SULT1C2: variants seen among roughly 807,000 people sequenced by gnomAD.
SULT1C2 encodes the protein sulfotransferase family 1C member 2, also known as sulfotransferase 1C2.
Under a neutral mutation model 36.0 loss-of-function variants are expected in SULT1C2, and 27 were observed. The observed-to-expected ratio is 0.75, with a 90% CI of 0.55 to 1.03. SULT1C2 has a LOEUF of 1.03. Among genes scored for constraint, SULT1C2 ranks in the 50% least tolerant of loss-of-function variants. SULT1C2 has a pLI of 0.00. For synonymous variants in SULT1C2, 121 were observed against 116.0 expected (o/e 1.04, Z -0.27); for missense variants, 395 against 359.2 (o/e 1.10, Z -0.80).
At chr2:108,295,002 T>A (rs1490246050) in intron 3 of SULT1C2, among the ~76,000 whole-genome samples, 1 of 152,220 alleles carries the variant, frequency 6.6e-6, no homozygotes, top group African/African-American at 2.4e-5. Flanking sequence ...AGTTATAGCA[T>A]TGCAGAGATC....
At chr2:108,307,244 G>A (rs1677047573) in intron 7 of SULT1C2, among the ~76,000 whole-genome samples, 1 of 152,076 alleles carries the variant, frequency 6.6e-6, no homozygotes, top group Non-Finnish European at 1.5e-5. Flanking sequence ...CCTTCTTCAG[G>A]CTCATACATA....
intron 1 of SULT1C2, among the ~76,000 whole-genome samples, chr2:108,292,987 T>G (rs1676629759): frequency 6.6e-6 from 1 of 152,260 alleles, no homozygotes; most frequent in East Asian, 1.9e-4. Flanking sequence ...AAGACCAGCC[T>G]GGCCAACATG....
At chr2:108,294,461 A>G (rs13428715) in intron 3 of SULT1C2, 107 bp downstream of exon 3, 3 of 1,004,646 alleles carry the variant, frequency 3.0e-6, no homozygotes, top group African/African-American at 1.7e-5. Flanking sequence ...TCTCTCCCCC[A>G]TCTCTCCTTC....
chr2:108,295,015 T>C (rs1054632903), intron 3 of SULT1C2, among the ~76,000 whole-genome samples: 6 of 152,192 alleles, frequency 3.9e-5, no homozygotes, highest in African/African-American at 1.4e-4. Context: ...CAGAGATCCA[T>C]GTGATAGAAA....
Position 108,309,626 on chromosome 2 carries a change from G to T in SULT1C2, c.*1162G>T, listed in dbSNP as rs1051987000. On this transcript the variant is annotated 3_prime_UTR_variant, in exon 8 of 8. Transcript: ENST00000251481. ...AATGCTTTTTGTTGGATTTCGTAGG[G>T]TATTTTTTTTAAAATAGGGTCTTGC... 9.3e-5 allele frequency: 14 copies of T among 151,314 alleles called. No individual in the cohort carries two copies. The highest frequency in any genetic ancestry group is 3.0e-5 in the Non-Finnish European group (2 of 67,722). 9.4% of individuals were successfully genotyped at this position (151,314 alleles called of 1,614,324 possible).
At chr2:108,307,954 G>A (rs1369850893) in intron 7 of SULT1C2, among the ~76,000 whole-genome samples, 1 of 152,104 alleles carries the variant, frequency 6.6e-6, no homozygotes. Context: ...CACGTAAATG[G>A]AATTTCACAG....
chr2:108,305,361 G>A, intron 6 of SULT1C2, 54 bp from the exon 7 acceptor site: 1 of 1,609,146 alleles, frequency 6.2e-7, no homozygotes, highest in Non-Finnish European at 8.5e-7. Flanking sequence ...GAGAATTGTA[G>A]TATTTCTTTA....
At position 108,294,349 on chromosome 2, in the gene SULT1C2, C is replaced by A. The variant is rs1272921131; in HGVS notation, c.272C>A (p.Pro91His). The part of the protein sequence containing the change: ...PFIEWARPPQ[P>H]SGVEKAKAMP... ...ATTGAGTGGGCTCGGCCACCCCAACCTTCTGGTGAGAGCACCTCCCTCTTT... is the reference window on the plus strand; with the variant it reads ...ATTGAGTGGGCTCGGCCACCCCAACATTCTGGTGAGAGCACCTCCCTCTTT... The change falls in exon 3 of 8, where the codon CCT (proline) becomes CAT (histidine). Residue 91 changes from proline (P) to histidine (H), a missense_variant. Pro to His is a moderately conservative substitution (Grantham distance 77). Coordinates refer to ENST00000251481, the MANE Select transcript of SULT1C2 (RefSeq NM_001056.4). The A allele has an allele frequency of 5.0e-6, 8 of 1,606,882 alleles. No homozygotes were observed. Among genetic ancestry groups the A allele is most frequent in the Middle Eastern group, 1.7e-4 (1 of 6,050 alleles).
intron 3 of SULT1C2, among the ~76,000 whole-genome samples, chr2:108,295,413 A>G (rs988608199): frequency 7.9e-5 from 12 of 151,732 alleles, no homozygotes; most frequent in East Asian, 7.7e-4. Flanking sequence ...CCATGATCTC[A>G]CTCCATGTGC....
intron 4 of SULT1C2, chr2:108,301,192 G>A (rs1676860449): frequency 4.6e-6 from 2 of 434,454 alleles, no homozygotes; most frequent in Non-Finnish European, 8.1e-6. Context: ...TGCAGTAAGC[G>A]TAGCTGTGAA....
In SULT1C2 at chr2:108,309,039, A is replaced by C. The variant is rs1181108331; in HGVS notation, c.*575A>C. ...ACAGAGGAGATGTCAGAAGACCAAA[A>C]CTTGGTGAATAGTCCCAGTGCTAGG... is the stretch of plus-strand genomic sequence containing the variant. On this transcript the variant is annotated 3_prime_UTR_variant, in exon 8 of 8. Coordinates refer to ENST00000251481, the MANE Select transcript of SULT1C2 (RefSeq NM_001056.4). The C allele has an allele frequency of 6.6e-6, 1 of 152,308 alleles. No individual in the cohort carries two copies. The highest frequency in any genetic ancestry group is 6.5e-5 in the Admixed American group (1 of 15,286). 9.4% of individuals were successfully genotyped at this position (152,308 alleles called of 1,614,324 possible). A position where few individuals can be genotyped will look rare whatever the true frequency, so the allele number is the denominator to read the frequency against.
At position 108,308,635 on chromosome 2, in the gene SULT1C2, A is replaced by T. The variant is rs1195402129; in HGVS notation, c.*171A>T. 7 of 543,900 alleles carry T rather than the reference A, an allele frequency of 1.3e-5. No homozygotes were observed. The South Asian group carries it at 1.7e-4, about 13-fold the overall frequency. The allele number at this position is 543,900 out of a possible 1,614,324, so 33.7% of individuals were successfully genotyped here. The stretch of plus-strand genomic sequence containing the variant: ...GTCACCACTTCATTTTTTAAAAAGG[A>T]TCACGTCTAATGCCCATTTTCCCAA... On this transcript the variant is annotated 3_prime_UTR_variant, in exon 8 of 8. Transcript: ENST00000251481.
chr2:108,295,037 A>G (rs2104414223), intron 3 of SULT1C2, among the ~76,000 whole-genome samples: 1 of 152,340 alleles, frequency 6.6e-6, no homozygotes, highest in South Asian at 2.1e-4. Flanking sequence ...CTGGGAGCAC[A>G]GTAGCTGAAG....
chr2:108,294,166 G>C (rs1368822820), intron 2 of SULT1C2, 63 bp from the exon 3 acceptor site: 1 of 1,594,490 alleles, frequency 6.3e-7, no homozygotes, highest in Admixed American at 1.7e-5. Flanking sequence ...CGTTTACTCG[G>C]GACTCTTCAG....
intron 1 of SULT1C2, among the ~76,000 whole-genome samples, chr2:108,289,759 G>A (rs565918758): frequency 2.0e-5 from 3 of 152,250 alleles, no homozygotes; most frequent in African/African-American, 4.8e-5. Context: ...TGGGGAGGGT[G>A]AGAAGGACTT....
chr2:108,298,169 T>C (rs964581164), intron 3 of SULT1C2, among the ~76,000 whole-genome samples: 1 of 152,242 alleles, frequency 6.6e-6, no homozygotes, highest in Non-Finnish European at 1.5e-5. Flanking sequence ...CTGTCCTCTA[T>C]GTCTGCTAAG....
chr2:108,301,035 T>C (rs1676857212), intron 4 of SULT1C2, 100 bp downstream of exon 4: 2 of 1,442,708 alleles, frequency 1.4e-6, no homozygotes, highest in Non-Finnish European at 1.9e-6. Flanking sequence ...CCTTTGCCTC[T>C]CCACTGTCTC....
chr2:108,292,162 C>G (rs1432908880), intron 1 of SULT1C2, among the ~76,000 whole-genome samples: 1 of 152,132 alleles, frequency 6.6e-6, no homozygotes, highest in Non-Finnish European at 1.5e-5. Context: ...AGTTCTATCA[C>G]TCATTTTCAG....
intron 7 of SULT1C2, 150 bp downstream of exon 7, chr2:108,305,745 G>C: frequency 9.7e-7 from 1 of 1,034,190 alleles, no homozygotes; most frequent in Non-Finnish European, 1.4e-6. Context: ...ATTTGATCCT[G>C]TTGTAGAAGA....
Sources: allele counts gnomAD v4.1 joint callset (sites outside exome capture counted in the v4.1 genomes callset), GRCh38; gene constraint gnomAD v4.1.1; transcripts MANE v1.5; gene names NCBI Gene and HGNC (gene_info 2026-07-23, HGNC 2026-07-21).